The following INPP4B variants were observed in gnomAD, a reference collection of about 807,000 sequenced individuals.
The protein encoded by INPP4B is inositol polyphosphate-4-phosphatase type II B, also known as inositol polyphosphate 4-phosphatase type II.
Under a neutral mutation model 122.5 loss-of-function variants are expected in INPP4B, and 55 were observed. The observed-to-expected ratio is 0.45, with a 90% CI of 0.36 to 0.56. The LOEUF (loss-of-function observed/expected upper bound fraction) is 0.56, where lower values mean the gene tolerates loss of function less well. Ranked by LOEUF, INPP4B falls within the 20% of genes least tolerant of loss-of-function variation. The pLI is 0.00. For synonymous variants in INPP4B, 403 were observed against 388.7 expected (o/e 1.04, Z -0.43); for missense variants, 1,000 against 1,097.7 (o/e 0.91, Z 1.26).
At chr4:142,029,973 T>G in intron 25 of INPP4B, 1 of 1,380,590 alleles carries the variant, frequency 7.2e-7, no homozygotes, top group Non-Finnish European at 9.4e-7. Context: ...TGCATAGTAC[T>G]TTTTGTTTTT....
intron 2 of INPP4B, among the ~76,000 whole-genome samples, chr4:142,517,765 A>G (rs1385716535): frequency 2.0e-5 from 3 of 152,138 alleles, no homozygotes; most frequent in East Asian, 1.9e-4. Context: ...TTTAAAAAAC[A>G]TGGCCATCAA....
chr4:142,638,899 C>T (rs1172650561), intron 2 of INPP4B, among the ~76,000 whole-genome samples: 2 of 152,112 alleles, frequency 1.3e-5, no homozygotes, highest in Non-Finnish European at 2.9e-5. Flanking sequence ...AAGTATGATG[C>T]TGCCTATAGG....
chr4:142,593,099 G>GT lies in INPP4B; in HGVS notation c.-190-130374dup, dbSNP rs751852091. On this transcript the variant is annotated intron_variant, in intron 2 of 25. Coordinates refer to ENST00000262992, the MANE Select transcript of INPP4B (RefSeq NM_001101669.3). ...AGCCTGGGTGATACAGTGAGATCCT[G>GT]TTTTTAAAAAAAAAAAAAAATGGTA... Among the ~76,000 whole-genome samples, 1,066 of 139,506 alleles carry GT rather than the reference G, an allele frequency of 7.6e-3. 19 individuals carry two copies. The highest frequency in any genetic ancestry group is 0.026 in the African/African-American group (984 of 37,820). The allele number at this position is 139,506 out of a possible 152,430, so 91.5% of individuals were successfully genotyped here.
chr4:142,422,701 T>C (rs1807199376), intron 5 of INPP4B, among the ~76,000 whole-genome samples: 1 of 152,038 alleles, frequency 6.6e-6, no homozygotes. Flanking sequence ...TGGTCCTAGC[T>C]ACTTGGGAGG....
chr4:142,510,627 A>C (rs1363464173), intron 2 of INPP4B, among the ~76,000 whole-genome samples: 1 of 152,152 alleles, frequency 6.6e-6, no homozygotes, highest in Non-Finnish European at 1.5e-5. Flanking sequence ...GTTCTATTGC[A>C]TTTTCATCAC....
chr4:142,405,595 A>G (rs1436048594), intron 5 of INPP4B, among the ~76,000 whole-genome samples: 1 of 152,144 alleles, frequency 6.6e-6, no homozygotes, highest in Non-Finnish European at 1.5e-5. Context: ...ATGCGTGACT[A>G]TGCACACATG....
intron 2 of INPP4B, among the ~76,000 whole-genome samples, chr4:142,592,114 A>C (rs181575222): frequency 6.6e-6 from 1 of 152,318 alleles, no homozygotes; most frequent in East Asian, 1.9e-4. Flanking sequence ...AACTTTGCAT[A>C]ATACCTGTCC....
At chr4:142,708,114 T>C (rs1762675330) in intron 2 of INPP4B, among the ~76,000 whole-genome samples, 1 of 152,110 alleles carries the variant, frequency 6.6e-6, no homozygotes, top group Non-Finnish European at 1.5e-5. Flanking sequence ...AGTGATGGTT[T>C]TGGGTATCTG....
Position 142,208,436 on chromosome 4 carries a change from G to A in INPP4B, c.1061C>T (p.Pro354Leu). Residue 354 changes from proline to leucine, a missense_variant, in exon 14 of 26, where the codon CCT becomes CTT. Pro to Leu is a moderately conservative substitution (Grantham distance 98, BLOSUM62 -3). Coordinates refer to ENST00000262992, the MANE Select transcript of INPP4B (RefSeq NM_001101669.3). ...LHLQRMQVHS[P>L]HLKDALYDVI... ...ATAATTTATGATACCTTTCAAGTGA[G>A]GGCTGTGTACCTGCATTCTTTGCAG... 6.4e-7 allele frequency: 1 copy of A among 1,555,306 alleles called. No homozygotes were observed. The highest frequency in any genetic ancestry group is 8.8e-7 in the Non-Finnish European group (1 of 1,137,642).
intron 9 of INPP4B, among the ~76,000 whole-genome samples, chr4:142,288,399 A>G (rs1294045283): frequency 6.6e-6 from 1 of 152,196 alleles, no homozygotes; most frequent in African/African-American, 2.4e-5. Flanking sequence ...CCTGGTTAAC[A>G]TGGTGAAACC....
intron 1 of INPP4B, among the ~76,000 whole-genome samples, chr4:142,815,869 T>C (rs975351431): frequency 6.6e-6 from 1 of 152,168 alleles, no homozygotes; most frequent in Non-Finnish European, 1.5e-5. Context: ...AGGTAGTTAT[T>C]AATTTTATTT....
At chr4:142,253,964 C>A (rs1235300728) in intron 11 of INPP4B, among the ~76,000 whole-genome samples, 2 of 152,190 alleles carry the variant, frequency 1.3e-5, no homozygotes, top group African/African-American at 4.8e-5. Context: ...TGTCTGACAG[C>A]TTTGAAGAGA....
intron 1 of INPP4B, among the ~76,000 whole-genome samples, chr4:142,737,226 A>T (rs1359322434): frequency 6.6e-6 from 1 of 152,204 alleles, no homozygotes; most frequent in Non-Finnish European, 1.5e-5. Flanking sequence ...ACAAGGCTAC[A>T]GTAACCAAAA....
intron 2 of INPP4B, among the ~76,000 whole-genome samples, chr4:142,522,411 G>A (rs1826212386): frequency 1.4e-5 from 2 of 142,118 alleles, no homozygotes; most frequent in South Asian, 4.4e-4. Flanking sequence ...TCACAGGCAT[G>A]ATCACAGAGC....
chr4:142,556,163 ACT>A (rs1454443253), intron 2 of INPP4B, among the ~76,000 whole-genome samples: 3 of 152,004 alleles, frequency 2.0e-5, no homozygotes, highest in Non-Finnish European at 1.5e-5. Context: ...GTAGAGGAAG[ACT>A]CTGTCCTATC....
At chr4:142,445,415 G>T (rs999882069) in intron 3 of INPP4B, among the ~76,000 whole-genome samples, 2 of 152,066 alleles carry the variant, frequency 1.3e-5, no homozygotes, top group African/African-American at 4.8e-5. Flanking sequence ...CAAGAAAACT[G>T]GTGTGGCCAC....
At chr4:142,375,633 A>G (rs941005764) in intron 7 of INPP4B, among the ~76,000 whole-genome samples, 1 of 151,968 alleles carries the variant, frequency 6.6e-6, no homozygotes, top group Non-Finnish European at 1.5e-5. Flanking sequence ...AGAGAGGTGT[A>G]CTTTCTTGAA....
rs765481441 is a variant in INPP4B at position 142,082,139 on chromosome 4, G to C, written c.2534C>G (p.Ala845Gly). The C allele has an allele frequency of 2.6e-6, 4 of 1,538,166 alleles. No individual in the cohort carries two copies. The South Asian group carries it at 4.9e-5, about 19-fold the overall frequency. Residue 845 changes from alanine to glycine, a missense_variant, in exon 25 of 26, where the codon GCC becomes GGC. By Grantham distance (60) the Ala-to-Gly change is moderately conservative. Coordinates refer to ENST00000262992, the MANE Select transcript of INPP4B (RefSeq NM_001101669.3). Reference protein sequence around the residue: ...NGIRFTCCKSAKDRTSMSVTL... With the variant: ...NGIRFTCCKSGKDRTSMSVTL... ...CACTGACATCGATGTCCTGTCTTTG[G>C]CACTTTTACAACAGGTGAAACGAAT...
chr4:142,193,009 C>T, intron 15 of INPP4B, 78 bp downstream of exon 15: 1 of 820,282 alleles, frequency 1.2e-6, no homozygotes, highest in Non-Finnish European at 2.1e-6. Flanking sequence ...TGTGATGGAC[C>T]AATCACCTTG....
Sources: allele counts gnomAD v4.1 joint callset (sites outside exome capture counted in the v4.1 genomes callset), GRCh38; gene constraint gnomAD v4.1.1; transcripts MANE v1.5; gene names NCBI Gene and HGNC (gene_info 2026-07-23, HGNC 2026-07-21).